The following ITGA11 variants were observed in gnomAD, a reference collection of about 807,000 sequenced individuals.
ITGA11 encodes the protein integrin subunit alpha 11.
In ITGA11, 97 loss-of-function variants were observed where a neutral mutation model predicts 141.9. That is an observed-to-expected ratio of 0.68 (90% CI 0.58 to 0.81). The LOEUF (loss-of-function observed/expected upper bound fraction) is 0.81. Among genes scored for constraint, ITGA11 ranks in the 30% least tolerant of loss-of-function variants. The pLI, the probability that ITGA11 is intolerant of heterozygous loss-of-function variation, is 0.00. For missense variants in ITGA11, 1,387 were observed against 1,559.2 expected (o/e 0.89, Z 1.86); for synonymous variants, 658 against 624.6 (o/e 1.05, Z -0.80).
In ITGA11 at chr15:68,353,753, C is replaced by T. The variant is rs994953990; in HGVS notation, c.750-2351G>A. Among the ~76,000 whole-genome samples the T allele has an allele frequency of 4.6e-5, 7 of 152,112 alleles. No individual in the cohort carries two copies. The East Asian group carries it at 5.8e-4, about 13-fold the overall frequency. ...TCCATGGGCCTAGAAACCAGAGTGG[C>T]CCATGGAGATTTAGGCCCCGTCACA... On this transcript the variant is annotated intron_variant, in intron 7 of 29. Coordinates refer to ENST00000315757, the MANE Select transcript of ITGA11 (RefSeq NM_001004439.2).
rs763703170 is a variant in ITGA11 at position 68,326,781 on chromosome 15, G to A, written c.2084C>T (p.Ala695Val). Reference protein sequence around the residue: ...QTTTVGIRYNATMDERRYTPR... With the variant: ...QTTTVGIRYNVTMDERRYTPR... ...TGTATACCGCCTCTCATCCATGGTGGCGTTGTATCTGATGCCTGCAGGAGG... is the reference window on the plus strand; with the variant it reads ...TGTATACCGCCTCTCATCCATGGTGACGTTGTATCTGATGCCTGCAGGAGG... Residue 695 changes from alanine to valine, a missense_variant, in exon 17 of 30, where the codon GCC becomes GTC. Ala to Val is a moderately conservative substitution (Grantham distance 64). Transcript: ENST00000315757. The surrounding 1 kb of genome is among the most constrained non-coding windows in gnomAD (Gnocchi z 6.8). 2 of 1,581,136 alleles carry A rather than the reference G, an allele frequency of 1.3e-6. No homozygotes were observed. The highest frequency in any genetic ancestry group is 2.3e-5 in the South Asian group (2 of 86,164).
Position 68,325,068 on chromosome 15 carries a change from G to A in ITGA11, c.2322+63C>T. 2 of 1,183,946 alleles carry A rather than the reference G, an allele frequency of 1.7e-6. No homozygotes were observed. Among genetic ancestry groups the A allele is most frequent in the Admixed American group, 3.4e-5 (2 of 59,328 alleles). The allele number at this position is 1,183,946 out of a possible 1,614,324, so 73.3% of individuals were successfully genotyped here. A position where few individuals can be genotyped will look rare whatever the true frequency, so the allele number is the denominator to read the frequency against. On this transcript the variant is annotated intron_variant, in intron 18 of 29. Transcript: ENST00000315757. The surrounding 1 kb of genome is among the most constrained non-coding windows in gnomAD (Gnocchi z 5.5). ...CGGCACACTCAGGCTCTGGGCTTTG[G>A]GGTTGAGGTGGAGGTGGGGGTGGGG...
intron 3 of ITGA11, among the ~76,000 whole-genome samples, chr15:68,368,236 C>T (rs1278336916): frequency 2.0e-5 from 3 of 152,184 alleles, no homozygotes; most frequent in Admixed American, 6.5e-5. Flanking sequence ...GTGGAGACCC[C>T]GCTCCTCGAA....
At chr15:68,379,020 C>A (rs1317519293) in intron 2 of ITGA11, among the ~76,000 whole-genome samples, 1 of 152,206 alleles carries the variant, frequency 6.6e-6, no homozygotes, top group Non-Finnish European at 1.5e-5. Flanking sequence ...AAAATGAGAA[C>A]CTCAGCCACT....
chr15:68,328,459 C>G lies in ITGA11; in HGVS notation c.1902-197G>C, dbSNP rs145065755. Among the ~76,000 whole-genome samples the G allele has an allele frequency of 5.3e-3, 810 of 152,082 alleles. 5 individuals are homozygous for G. The highest frequency in any genetic ancestry group is 0.019 in the African/African-American group (776 of 41,444). On this transcript the variant is annotated intron_variant, in intron 15 of 29. Coordinates refer to ENST00000315757, the MANE Select transcript of ITGA11 (RefSeq NM_001004439.2). The surrounding 1 kb of genome is among the most constrained non-coding windows in gnomAD (Gnocchi z 4.8). ...AGGACTGGCAAGAGCGAGCACGGGG[C>G]GAAAGGGGCTCAGCCACCTCATGGC...
rs1198407716 is a variant in ITGA11, at chr15:68,301,508, C to G, written c.*1551G>C. The stretch of plus-strand genomic sequence containing the variant: ...TCTTGGGAGAGGGAGCGCTCCACCA[C>G]TGGAGACGTCACACGGAGGCCAGGC... On this transcript the variant is annotated 3_prime_UTR_variant, in exon 30 of 30. Coordinates refer to ENST00000315757, the MANE Select transcript of ITGA11 (RefSeq NM_001004439.2). The surrounding 1 kb of genome is among the most constrained non-coding windows in gnomAD (Gnocchi z 4.4). 2 of 152,294 alleles carry G rather than the reference C, an allele frequency of 1.3e-5. No individual in the cohort carries two copies. The highest frequency in any genetic ancestry group is 2.9e-5 in the Non-Finnish European group (2 of 68,142). 9.4% of individuals were successfully genotyped at this position (152,294 alleles called of 1,614,324 possible). A position where few individuals can be genotyped will look rare whatever the true frequency, so the allele number is the denominator to read the frequency against.
At chr15:68,397,676 AAAT>A (rs1309180400) in intron 2 of ITGA11, among the ~76,000 whole-genome samples, 6 of 46,500 alleles carry the variant, frequency 1.3e-4, no homozygotes, top group African/African-American at 4.1e-4. Context: ...AAAATATTTA[AAAT>A]ATTATATTTA....
chr15:68,378,636 C>T (rs1015979391), intron 2 of ITGA11, among the ~76,000 whole-genome samples: 1 of 152,112 alleles, frequency 6.6e-6, no homozygotes, highest in South Asian at 2.1e-4. Context: ...GAGAGAGATC[C>T]TGTCTCCAAA....
chr15:68,342,940 G>T (rs756497637), intron 10 of ITGA11, among the ~76,000 whole-genome samples: 1 of 151,820 alleles, frequency 6.6e-6, no homozygotes, highest in Non-Finnish European at 1.5e-5. Flanking sequence ...GGAGTCAGAG[G>T]CTTCTGAGTT....
intron 2 of ITGA11, among the ~76,000 whole-genome samples, chr15:68,401,672 T>C (rs1353809938): frequency 6.6e-6 from 1 of 152,100 alleles, no homozygotes; most frequent in Non-Finnish European, 1.5e-5. Context: ...GGAGTCAGCA[T>C]AGTGGGTCCC....
rs1451530115 is a variant in ITGA11, at chr15:68,400,709, ATAT to A, written c.164+2206_164+2208del. Among the ~76,000 whole-genome samples the A allele has an allele frequency of 1.2e-4, 3 of 25,170 alleles. 1 individual carries two copies. Among genetic ancestry groups the A allele is most frequent in the Non-Finnish European group, 1.7e-4 (3 of 17,536 alleles). The allele number at this position is 25,170 out of a possible 152,430, so 16.5% of individuals were successfully genotyped here. A position where few individuals can be genotyped will look rare whatever the true frequency, so the allele number is the denominator to read the frequency against. On this transcript the variant is annotated intron_variant, in intron 2 of 29. Transcript: ENST00000315757. ...TATTATATTATATATTATATAATAA[ATAT>A]TATATATTATATAATAAATATTATA...
At chr15:68,403,138 G>T in intron 1 of ITGA11, 109 bp from the exon 2 acceptor site, 1 of 708,286 alleles carries the variant, frequency 1.4e-6, no homozygotes, top group Non-Finnish European at 2.5e-6. Flanking sequence ...GGAGGGTCTT[G>T]GCTGTGGGAC....
intron 2 of ITGA11, among the ~76,000 whole-genome samples, chr15:68,381,552 C>A (rs1299098394): frequency 1.0e-5 from 1 of 97,070 alleles, no homozygotes; most frequent in Non-Finnish European, 2.0e-5. Context: ...GCAGAGACAG[C>A]ATTCCAATTT....
intron 10 of ITGA11, among the ~76,000 whole-genome samples, chr15:68,347,388 T>C (rs1211635608): frequency 6.6e-6 from 1 of 152,208 alleles, no homozygotes; most frequent in Non-Finnish European, 1.5e-5. Flanking sequence ...TGTAGGGCTG[T>C]TCTGGTGTGA....
intron 2 of ITGA11, among the ~76,000 whole-genome samples, chr15:68,370,015 G>A (rs936348531): frequency 6.6e-6 from 1 of 152,202 alleles, no homozygotes; most frequent in African/African-American, 2.4e-5. Flanking sequence ...GAAGACAGAG[G>A]CAGAGTTAGG....
chr15:68,424,641 C>A (rs1897098026), intron 1 of ITGA11, among the ~76,000 whole-genome samples: 1 of 152,172 alleles, frequency 6.6e-6, no homozygotes, highest in South Asian at 2.1e-4. Context: ...CAATTCCATG[C>A]CAGAATGAGA....
chr15:68,315,783 C>G, intron 21 of ITGA11, 56 bp from the exon 22 acceptor site: 1 of 1,380,102 alleles, frequency 7.2e-7, no homozygotes, highest in South Asian at 1.4e-5. Flanking sequence ...CGCCCACTCC[C>G]CACAGCCCAC....
chr15:68,357,076 G>C, intron 7 of ITGA11, 75 bp downstream of exon 7: 1 of 1,338,040 alleles, frequency 7.5e-7, no homozygotes, highest in South Asian at 1.4e-5. Flanking sequence ...TTGTGGTAGT[G>C]TGTTACAAGG....
In ITGA11 at chr15:68,307,531, A is replaced by C; in HGVS notation, c.3285+55T>G. On this transcript the variant is annotated intron_variant, in intron 27 of 29. Coordinates refer to ENST00000315757, the MANE Select transcript of ITGA11 (RefSeq NM_001004439.2). This position sits in a 1 kb window ranked among gnomAD's most constrained non-coding sequence, Gnocchi z 6.1. ...GGCAGCCCCAGGTGGAAGACATCCC[A>C]ACAGCCGCCCCCTTTCCCTTCTTCC... The C allele has an allele frequency of 6.6e-7, 1 of 1,524,630 alleles. No individual in the cohort carries two copies. The highest frequency in any genetic ancestry group is 9.0e-7 in the Non-Finnish European group (1 of 1,115,168). 94.4% of individuals were successfully genotyped at this position (1,524,630 alleles called of 1,614,324 possible).
Sources: gnomAD v4.1 joint callset for allele counts (sites outside exome capture counted in the v4.1 genomes callset) on GRCh38, gnomAD v4.1.1 for gene constraint, Gnocchi (gnomAD v3.1) non-coding constraint, MANE v1.5 for transcripts, NCBI Gene and HGNC (gene_info 2026-07-23, HGNC 2026-07-21) for gene names.